Variants in VPS13C observed in about 807,000 individuals in gnomAD.
VPS13C encodes the protein vacuolar protein sorting 13 homolog C.
Under a neutral mutation model 456.8 loss-of-function variants are expected in VPS13C, and 358 were observed. The observed-to-expected ratio is 0.78, with a 90% CI of 0.72 to 0.86. VPS13C has a LOEUF of 0.86. VPS13C is among the 40% of genes least tolerant of loss of function. The probability of loss-of-function intolerance (pLI) is 0.00; values close to 1 mark genes in which losing one functional copy is unlikely to be tolerated. For synonymous variants in VPS13C, 1,578 were observed against 1,486.7 expected (o/e 1.06, Z -1.41); for missense variants, 4,818 against 4,385.4 (o/e 1.10, Z -2.79).
At chr15:61,912,691 T>C (rs527639863) in intron 62 of VPS13C, among the ~76,000 whole-genome samples, 29 of 151,984 alleles carry the variant, frequency 1.9e-4, no homozygotes, top group Non-Finnish European at 3.8e-4. Flanking sequence ...GTGCACAATG[T>C]GCAGGTTAGT....
chr15:61,953,828 C>A (rs2140298266), intron 38 of VPS13C, among the ~76,000 whole-genome samples: 1 of 152,254 alleles, frequency 6.6e-6, no homozygotes, highest in African/African-American at 2.4e-5. Flanking sequence ...ATGCCCCCTC[C>A]CTACCATCAG....
rs577822348 is a variant in VPS13C, at chr15:61,892,127, G to A, written c.9106-1727C>T. On this transcript the variant is annotated intron_variant, in intron 66 of 84. Coordinates refer to ENST00000644861, the MANE Select transcript of VPS13C (RefSeq NM_020821.3). ...CCACTCCTGGCTCAGCCCATGGGAA[G>A]CATCACAAGTGCTTTAGGAAGAGAA... is the stretch of plus-strand genomic sequence containing the variant. 3.9e-5 allele frequency among the ~76,000 whole-genome samples: 6 copies of A among 152,342 alleles called. No homozygotes were observed. In the East Asian group the frequency reaches 1.2e-3, roughly 29 times the overall value.
intron 6 of VPS13C, among the ~76,000 whole-genome samples, chr15:62,026,929 T>C (rs1445654070): frequency 6.6e-6 from 1 of 152,140 alleles, no homozygotes; most frequent in Non-Finnish European, 1.5e-5. Context: ...TGAATCATGC[T>C]AAGGCAGCTA....
chr15:61,873,757 T>A (rs1055169294), intron 77 of VPS13C, among the ~76,000 whole-genome samples: 1 of 151,988 alleles, frequency 6.6e-6, no homozygotes, highest in African/African-American at 2.4e-5. Flanking sequence ...TGGAAAACAG[T>A]ATGGAGGCTC....
intron 3 of VPS13C, among the ~76,000 whole-genome samples, chr15:62,039,264 T>C (rs1489398504): frequency 6.6e-6 from 1 of 152,012 alleles, no homozygotes. Context: ...TAAAAAAGAA[T>C]GAAATCATGT....
intron 66 of VPS13C, among the ~76,000 whole-genome samples, chr15:61,905,576 G>GT (rs2043131670): frequency 6.6e-6 from 1 of 152,106 alleles, no homozygotes; most frequent in Non-Finnish European, 1.5e-5. Flanking sequence ...AATTCCTATC[G>GT]TAAGAATTAG....
At chr15:61,932,561 T>C (rs1158073414) in intron 49 of VPS13C, among the ~76,000 whole-genome samples, 4 of 151,486 alleles carry the variant, frequency 2.6e-5, no homozygotes, top group Non-Finnish European at 5.9e-5. Context: ...AACAAAAACC[T>C]TCAGGGAAGT....
intron 30 of VPS13C, 88 bp from the exon 31 acceptor site, chr15:61,964,949 G>C: frequency 7.2e-6 from 9 of 1,251,028 alleles, no homozygotes; most frequent in Non-Finnish European, 9.9e-6. Flanking sequence ...TCTCAGGTGG[G>C]CTTACATCAT....
At chr15:62,022,193 T>A (rs2047487247) in intron 8 of VPS13C, among the ~76,000 whole-genome samples, 1 of 151,870 alleles carries the variant, frequency 6.6e-6, no homozygotes, top group African/African-American at 2.4e-5. Flanking sequence ...AGCCCCCTAG[T>A]GGATGTCTGC....
chr15:61,980,423 G>A (rs572035758), intron 22 of VPS13C, among the ~76,000 whole-genome samples: 89 of 152,252 alleles, frequency 5.8e-4, no homozygotes, highest in African/African-American at 2.1e-3. Context: ...TCCGCTTATT[G>A]TGAGAGTGTT....
At position 62,036,995 on chromosome 15, in the gene VPS13C, C is replaced by CA. The variant is rs200205122; in HGVS notation, c.188-1944dup. On this transcript the variant is annotated intron_variant, in intron 3 of 84. Coordinates refer to ENST00000644861, the MANE Select transcript of VPS13C (RefSeq NM_020821.3). ...CAACTAATATAAATGCTCTGTAAAC[C>CA]AAAAAAAAAAGATAGTTATAAAGAC... Among the ~76,000 whole-genome samples the CA allele has an allele frequency of 7.8e-4, 108 of 138,274 alleles. No individual in the cohort carries two copies. In the East Asian group the frequency reaches 0.013, roughly 17 times the overall value. The allele number at this position is 138,274 out of a possible 152,430, so 90.7% of individuals were successfully genotyped here.
intron 82 of VPS13C, 48 bp downstream of exon 82, chr15:61,863,392 C>G (rs200174122): frequency 7.0e-7 from 1 of 1,421,936 alleles, no homozygotes; most frequent in East Asian, 2.4e-5. Context: ...ATTCTTGTGA[C>G]CTATGCAACT....
intron 65 of VPS13C, among the ~76,000 whole-genome samples, chr15:61,908,042 T>A (rs1001334024): frequency 6.6e-6 from 1 of 152,126 alleles, no homozygotes; most frequent in Non-Finnish European, 1.5e-5. Flanking sequence ...TTACCTGGGG[T>A]CTTGCAGGAA....
rs2048063155 is a variant in VPS13C at position 62,037,293 on chromosome 15, T to TAATATATATAAA, written c.188-2242_188-2241insTTTATATATATT. On this transcript the variant is annotated intron_variant, in intron 3 of 84. Transcript: ENST00000644861. Reference sequence around the variant, plus strand: ...TATATAATATATTATATATATTATATTATATAATATATATATAAATATATT... The same window carrying TAATATATATAAA: ...TATATAATATATTATATATATTATATAATATATATAAATATATAATATATATATAAATATATT... Among the ~76,000 whole-genome samples the TAATATATATAAA allele has an allele frequency of 5.6e-5, 3 of 53,462 alleles. 1 individual carries two copies. Among genetic ancestry groups the TAATATATATAAA allele is most frequent in the African/African-American group, 2.2e-4 (3 of 13,532 alleles). 35.1% of individuals were successfully genotyped at this position (53,462 alleles called of 152,430 possible).
intron 16 of VPS13C, among the ~76,000 whole-genome samples, chr15:61,998,492 G>C (rs994252056): frequency 6.6e-6 from 1 of 152,166 alleles, no homozygotes; most frequent in Non-Finnish European, 1.5e-5. Context: ...AATCATTTAA[G>C]TGTTTTACAT....
chr15:62,037,288 T>TA (rs1567136744), intron 3 of VPS13C, among the ~76,000 whole-genome samples: 39 of 46,552 alleles, frequency 8.4e-4, no homozygotes, highest in African/African-American at 3.2e-3. Context: ...ATTATATATA[T>TA]TATATTATAT....
chr15:61,931,008 T>G, intron 50 of VPS13C, 82 bp downstream of exon 50: 1 of 1,517,616 alleles, frequency 6.6e-7, no homozygotes, highest in Non-Finnish European at 9.1e-7. Context: ...TTTTGGATGA[T>G]CCCTAGCCTA....
At position 61,880,623 on chromosome 15, in the gene VPS13C, T is replaced by C. The variant is rs575762488; in HGVS notation, c.9988A>G (p.Ile3330Val). ...SILSFFEHFH[I>V]SPVKLHLSLS... is the part of the protein sequence containing the mutation. ...TTACAACAAACCTTCACAGGAGAAATATGGAAATGTTCAAAGAAACTAAGA... is the reference window on the plus strand; with the variant it reads ...TTACAACAAACCTTCACAGGAGAAACATGGAAATGTTCAAAGAAACTAAGA... The change falls in exon 73 of 85, where the codon ATT becomes GTT. Residue 3330 changes from isoleucine (I) to valine (V), a missense_variant. Coordinates refer to ENST00000644861, the MANE Select transcript of VPS13C (RefSeq NM_020821.3). The C allele has an allele frequency of 1.5e-5, 23 of 1,572,482 alleles. No individual in the cohort carries two copies. The highest frequency in any genetic ancestry group is 1.9e-5 in the Non-Finnish European group (22 of 1,160,500).
At chr15:62,017,689 C>T (rs996194229) in intron 9 of VPS13C, among the ~76,000 whole-genome samples, 23 of 152,152 alleles carry the variant, frequency 1.5e-4, no homozygotes, top group African/African-American at 5.5e-4. Context: ...GTTACTGTAG[C>T]CTTGGAGTAT....
Sources: allele counts gnomAD v4.1 joint callset (sites outside exome capture counted in the v4.1 genomes callset), GRCh38; gene constraint gnomAD v4.1.1; transcripts MANE v1.5; gene names NCBI Gene and HGNC (gene_info 2026-07-23, HGNC 2026-07-21).